DRC11: variants seen among roughly 807,000 people sequenced by gnomAD.
DRC11 encodes dynein regulatory complex subunit 11.
the DRC11 span, among the ~76,000 whole-genome samples, chr2:236,331,043 T>C: frequency 6.6e-6 from 1 of 152,220 alleles, no homozygotes; most frequent in Non-Finnish European, 1.5e-5. This position sits in a 1 kb window ranked among gnomAD's most constrained non-coding sequence, Gnocchi z 4.8. Context: ...GCAAAACTTA[T>C]TCCATAATAC....
At chr2:236,486,813 C>T in the DRC11 span, 1 of 1,577,754 alleles carries the variant, frequency 6.3e-7, no homozygotes, top group Non-Finnish European at 8.7e-7. The surrounding 1 kb of genome is among the most constrained non-coding windows in gnomAD (Gnocchi z 5.7). Context: ...GATGCTATCT[C>T]TTAAAAAAAA....
the DRC11 span, among the ~76,000 whole-genome samples, chr2:236,486,514 C>A: frequency 6.6e-6 from 1 of 151,834 alleles, no homozygotes; most frequent in African/African-American, 2.4e-5. This position sits in a 1 kb window ranked among gnomAD's most constrained non-coding sequence, Gnocchi z 5.7. Flanking sequence ...CAATGCAAAC[C>A]CACTGTTGTG....
the DRC11 span, among the ~76,000 whole-genome samples, chr2:236,317,688 A>G: frequency 6.6e-6 from 1 of 152,188 alleles, no homozygotes; most frequent in African/African-American, 2.4e-5. This position sits in a 1 kb window ranked among gnomAD's most constrained non-coding sequence, Gnocchi z 5.4. Flanking sequence ...TACACCCCTC[A>G]TGGATATTTA....
At chr2:236,448,883 G>A in the DRC11 span, among the ~76,000 whole-genome samples, 1 of 151,792 alleles carries the variant, frequency 6.6e-6, no homozygotes, top group African/African-American at 2.4e-5. This position sits in a 1 kb window ranked among gnomAD's most constrained non-coding sequence, Gnocchi z 5.3. Context: ...TTTCTGAGAT[G>A]GAGTCTCGCT....
the DRC11 span, chr2:236,363,793 T>C: frequency 6.2e-7 from 1 of 1,612,612 alleles, no homozygotes; most frequent in Admixed American, 1.7e-5. This position sits in a 1 kb window ranked among gnomAD's most constrained non-coding sequence, Gnocchi z 5.6. Context: ...GAAGACTGCA[T>C]GCAGCATCAT....
At chr2:236,382,759 A>T in the DRC11 span, among the ~76,000 whole-genome samples, 1 of 152,170 alleles carries the variant, frequency 6.6e-6, no homozygotes, top group Non-Finnish European at 1.5e-5. Flanking sequence ...ATATGTAGAA[A>T]TATAATTGAT....
the DRC11 span, among the ~76,000 whole-genome samples, chr2:236,498,197 G>A: frequency 6.6e-6 from 1 of 151,932 alleles, no homozygotes. Context: ...GCCAGGCGTG[G>A]TGGCTCTCGC....
the DRC11 span, among the ~76,000 whole-genome samples, chr2:236,464,499 A>G: frequency 1.4e-5 from 2 of 148,068 alleles, no homozygotes; most frequent in African/African-American, 2.5e-5. Context: ...TCTGCTGTGT[A>G]GAAAAATTCT....
At chr2:236,499,980 A>G in the DRC11 span, among the ~76,000 whole-genome samples, 1 of 152,172 alleles carries the variant, frequency 6.6e-6, no homozygotes, top group Non-Finnish European at 1.5e-5. This position sits in a 1 kb window ranked among gnomAD's most constrained non-coding sequence, Gnocchi z 4.7. Flanking sequence ...TCTTCCCTAC[A>G]AACTAAGCAT....
chr2:236,426,504 T>C, the DRC11 span, among the ~76,000 whole-genome samples: 1 of 152,218 alleles, frequency 6.6e-6, no homozygotes, highest in East Asian at 1.9e-4. This position sits in a 1 kb window ranked among gnomAD's most constrained non-coding sequence, Gnocchi z 4.1. Flanking sequence ...GCAACTTTAC[T>C]AAATTTGTTC....
the DRC11 span, among the ~76,000 whole-genome samples, chr2:236,486,163 T>C: frequency 6.6e-6 from 1 of 152,206 alleles, no homozygotes; most frequent in Non-Finnish European, 1.5e-5. The surrounding 1 kb of genome is among the most constrained non-coding windows in gnomAD (Gnocchi z 5.7). Context: ...ACAGCTGGCA[T>C]GAACTGTGGC....
the DRC11 span, among the ~76,000 whole-genome samples, chr2:236,422,782 C>T: frequency 6.6e-6 from 1 of 152,090 alleles, no homozygotes; most frequent in African/African-American, 2.4e-5. Flanking sequence ...GGAGGCACCA[C>T]ACTACCTGAC....
the DRC11 span, among the ~76,000 whole-genome samples, chr2:236,345,466 C>T: frequency 1.6e-3 from 238 of 152,290 alleles, no homozygotes; most frequent in African/African-American, 5.7e-3. Flanking sequence ...AACTGGGCCA[C>T]GAGTTTTAAT....
chr2:236,371,425 G>C, the DRC11 span, among the ~76,000 whole-genome samples: 35 of 152,260 alleles, frequency 2.3e-4, no homozygotes, highest in African/African-American at 7.5e-4. The surrounding 1 kb of genome is among the most constrained non-coding windows in gnomAD (Gnocchi z 5.1). Context: ...TGACTTATCT[G>C]GGTGCTGAGA....
chr2:236,389,618 G>A, the DRC11 span, among the ~76,000 whole-genome samples: 1 of 152,168 alleles, frequency 6.6e-6, no homozygotes, highest in East Asian at 1.9e-4. Context: ...GAAATCACCC[G>A]TCTTCTGCGT....
At chr2:236,478,931 T>C in the DRC11 span, among the ~76,000 whole-genome samples, 1 of 151,482 alleles carries the variant, frequency 6.6e-6, no homozygotes, top group Non-Finnish European at 1.5e-5. The surrounding 1 kb of genome is among the most constrained non-coding windows in gnomAD (Gnocchi z 5.9). Context: ...TTCAAGCGAG[T>C]GTCCTGCCTC....
the DRC11 span, among the ~76,000 whole-genome samples, chr2:236,419,594 C>T: frequency 5.3e-5 from 8 of 152,310 alleles, no homozygotes; most frequent in South Asian, 4.1e-4. The surrounding 1 kb of genome is among the most constrained non-coding windows in gnomAD (Gnocchi z 4.8). Context: ...GCTTCCTCAA[C>T]GTCTCAGCAA....
the DRC11 span, among the ~76,000 whole-genome samples, chr2:236,488,831 G>C: frequency 6.6e-6 from 1 of 152,260 alleles, no homozygotes; most frequent in Non-Finnish European, 1.5e-5. Flanking sequence ...TGTATGTGGA[G>C]ACAAAGTTAG....
the DRC11 span, among the ~76,000 whole-genome samples, chr2:236,399,794 T>G: frequency 1.3e-5 from 2 of 152,198 alleles, no homozygotes; most frequent in African/African-American, 4.8e-5. The surrounding 1 kb of genome is among the most constrained non-coding windows in gnomAD (Gnocchi z 7.0). Flanking sequence ...TTTCTTTCTT[T>G]CTTTTTTTGA....
Sources: gnomAD v4.1 joint callset for allele counts (sites outside exome capture counted in the v4.1 genomes callset) on GRCh38, gnomAD v4.1.1 for gene constraint, Gnocchi (gnomAD v3.1) non-coding constraint, MANE v1.5 for transcripts, NCBI Gene and HGNC (gene_info 2026-07-23, HGNC 2026-07-21) for gene names.